CLIP4: variants seen among roughly 807,000 people sequenced by gnomAD.
CLIP4 encodes CAP-Gly domain-containing linker protein 4.
Under a neutral mutation model 73.1 loss-of-function variants are expected in CLIP4, and 47 were observed. That is an observed-to-expected ratio of 0.64 (90% CI 0.51 to 0.82). The LOEUF is 0.82. Among genes scored for constraint, CLIP4 ranks in the 40% least tolerant of loss-of-function variants. The pLI, the probability that CLIP4 is intolerant of heterozygous loss-of-function variation, is 0.00. For missense variants in CLIP4, 874 were observed against 852.9 expected (o/e 1.02, Z -0.31); for synonymous variants, 306 against 295.4 (o/e 1.04, Z -0.37).
intron 8 of CLIP4, among the ~76,000 whole-genome samples, chr2:29,149,143 G>T (rs573748771): frequency 6.6e-6 from 1 of 152,298 alleles, no homozygotes; most frequent in South Asian, 2.1e-4. Flanking sequence ...GCAGCCATAG[G>T]CAGTGTGTAA....
chr2:29,143,824 T>A lies in CLIP4; in HGVS notation c.764T>A (p.Val255Glu). ...ATCAAGCAGATGCTTCTAGATGCGG[T>A]GCCTCTGTCATGTAACATCTCAAAG... ...KEIKQMLLDA[V>E]PLSCNISKAM... The change falls in exon 7 of 16, where the codon GTG (valine) becomes GAG (glutamate). Residue 255 changes from valine (V) to glutamate (E), a missense_variant. Val to Glu is a moderately radical substitution (Grantham distance 121). Transcript: ENST00000320081. 1 of 1,614,130 alleles carries A rather than the reference T, an allele frequency of 6.2e-7. No individual in the cohort carries two copies. Among genetic ancestry groups the A allele is most frequent in the Non-Finnish European group, 8.5e-7 (1 of 1,179,944 alleles).
At chr2:29,147,535 A>T (rs974780481) in intron 8 of CLIP4, among the ~76,000 whole-genome samples, 2 of 151,964 alleles carry the variant, frequency 1.3e-5, no homozygotes, top group Admixed American at 1.3e-4. Context: ...TATTTCTTTA[A>T]ATGTTTATAT....
intron 9 of CLIP4, among the ~76,000 whole-genome samples, chr2:29,154,602 G>T (rs1028946018): frequency 1.3e-5 from 2 of 152,144 alleles, no homozygotes; most frequent in African/African-American, 4.8e-5. Context: ...TCAGAATACC[G>T]GGAAGGGATG....
intron 1 of CLIP4, among the ~76,000 whole-genome samples, chr2:29,117,980 A>G (rs887214502): frequency 2.6e-5 from 4 of 152,240 alleles, no homozygotes; most frequent in Non-Finnish European, 5.9e-5. Context: ...AGTGTTCAGT[A>G]CTGTAAATAC....
At chr2:29,173,379 T>G (rs897127038) in intron 14 of CLIP4, among the ~76,000 whole-genome samples, 1 of 152,210 alleles carries the variant, frequency 6.6e-6, no homozygotes, top group Non-Finnish European at 1.5e-5. Context: ...CACCTTGCAC[T>G]GAGAGTGAGC....
rs148809051 is a variant in CLIP4, at chr2:29,135,608, A to G, written c.590A>G (p.Asn197Ser). ...FGTALHIAAY[N>S]LCAGAVKCLL... ...ACAGCTTTGCATATTGCAGCATACA[A>G]CTTGTGTGCAGGTGCTGTGAAGTGC... is the stretch of plus-strand genomic sequence containing the variant. Residue 197 changes from asparagine (N) to serine (S), a missense_variant, in exon 6 of 16, where the codon AAC (asparagine) becomes AGC (serine). Asn to Ser is a conservative substitution (Grantham distance 46). Coordinates refer to ENST00000320081, the MANE Select transcript of CLIP4 (RefSeq NM_024692.6). 3 of 1,611,358 alleles carry G rather than the reference A, an allele frequency of 1.9e-6. No individual in the cohort carries two copies. The highest frequency in any genetic ancestry group is 2.7e-5 in the African/African-American group (2 of 74,786).
intron 12 of CLIP4, among the ~76,000 whole-genome samples, chr2:29,160,764 A>G (rs1667235260): frequency 6.6e-6 from 1 of 152,156 alleles, no homozygotes. Context: ...ACAGGCAAAC[A>G]TTTTAGGATT....
At chr2:29,148,552 A>G (rs1021990923) in intron 8 of CLIP4, among the ~76,000 whole-genome samples, 1 of 152,228 alleles carries the variant, frequency 6.6e-6, no homozygotes, top group Admixed American at 6.5e-5. Flanking sequence ...GCTTATTACA[A>G]AACTGTCTCT....
intron 9 of CLIP4, 73 bp downstream of exon 9, chr2:29,152,901 T>G: frequency 6.6e-7 from 1 of 1,518,768 alleles, no homozygotes; most frequent in Non-Finnish European, 8.9e-7. Flanking sequence ...AATATTTAGA[T>G]TGCTTCACTT....
chr2:29,107,534 G>A (rs149067513), intron 1 of CLIP4, among the ~76,000 whole-genome samples: 1,750 of 150,232 alleles, frequency 0.012, 34 homozygotes, highest in African/African-American at 0.041. Context: ...ACCATGCCCG[G>A]CTAATTTTTT....
intron 2 of CLIP4, among the ~76,000 whole-genome samples, chr2:29,128,301 G>A (rs1477972195): frequency 6.6e-6 from 1 of 150,708 alleles, no homozygotes; most frequent in East Asian, 1.9e-4. Flanking sequence ...TTTTTGAGAC[G>A]TTTATAAAAA....
chr2:29,123,655 A>G (rs778869999), intron 2 of CLIP4, among the ~76,000 whole-genome samples: 6 of 152,152 alleles, frequency 3.9e-5, no homozygotes, highest in Non-Finnish European at 8.8e-5. Flanking sequence ...GAATTAATGG[A>G]AGGTCTTTGT....
Position 29,156,386 on chromosome 2 carries a change from G to A in CLIP4, c.1198G>A (p.Glu400Lys), listed in dbSNP as rs535905877. Residue 400 changes from glutamate to lysine, a missense_variant, in exon 10 of 16, where the codon GAG becomes AAG. Physicochemically the swap from Glu to Lys is moderately conservative, Grantham distance 56. Transcript: ENST00000320081. ...LMTSKKDSASESTLSLPPGEE... is the reference protein window; with the variant it reads ...LMTSKKDSASKSTLSLPPGEE... Reference sequence around the variant, plus strand: ...GACATCAAAAAAAGATAGTGCTTCTGAGTCAACACTTTCATTGCCTCCTGG... The same window carrying A: ...GACATCAAAAAAAGATAGTGCTTCTAAGTCAACACTTTCATTGCCTCCTGG... The A allele has an allele frequency of 6.3e-7, 1 of 1,588,344 alleles. No homozygotes were observed. The highest frequency in any genetic ancestry group is 2.3e-5 in the East Asian group (1 of 43,674).
At chr2:29,177,590 GTAATA>G (rs1235737397) in intron 15 of CLIP4, among the ~76,000 whole-genome samples, 1 of 151,400 alleles carries the variant, frequency 6.6e-6, no homozygotes, top group Non-Finnish European at 1.5e-5. Context: ...AAAAAAAAAA[GTAATA>G]TATATATTTT....
intron 9 of CLIP4, among the ~76,000 whole-genome samples, chr2:29,154,418 C>T (rs1337042444): frequency 6.6e-6 from 1 of 152,166 alleles, no homozygotes; most frequent in Non-Finnish European, 1.5e-5. Flanking sequence ...TGGGCAGGCA[C>T]CCGAAACCCC....
chr2:29,113,315 A>C (rs1668428793), upstream of CLIP4, among the ~76,000 whole-genome samples: 1 of 152,166 alleles, frequency 6.6e-6, no homozygotes, highest in Admixed American at 6.5e-5. The surrounding 1 kb of genome is among the most constrained non-coding windows in gnomAD (Gnocchi z 4.0). Flanking sequence ...CTCCAGATAG[A>C]ATTGAATCTC....
At chr2:29,151,090 A>G (rs933907397) in intron 8 of CLIP4, among the ~76,000 whole-genome samples, 3 of 152,066 alleles carry the variant, frequency 2.0e-5, no homozygotes, top group Non-Finnish European at 4.4e-5. Context: ...CAGATATACA[A>G]CCTTTTCCTC....
intron 6 of CLIP4, among the ~76,000 whole-genome samples, chr2:29,139,118 A>G (rs972671971): frequency 1.3e-5 from 2 of 151,932 alleles, no homozygotes; most frequent in African/African-American, 2.4e-5. Flanking sequence ...CCCGTTCAGT[A>G]TGATGTTGGC....
At chr2:29,155,182 C>T (rs1275648600) in intron 9 of CLIP4, among the ~76,000 whole-genome samples, 3 of 152,126 alleles carry the variant, frequency 2.0e-5, no homozygotes, top group Admixed American at 2.0e-4. Context: ...CCTGTAGTCC[C>T]AGCTACTCTA....
Sources: gnomAD v4.1 joint callset for allele counts (sites outside exome capture counted in the v4.1 genomes callset) on GRCh38, gnomAD v4.1.1 for gene constraint, Gnocchi (gnomAD v3.1) non-coding constraint, MANE v1.5 for transcripts, NCBI Gene and HGNC (gene_info 2026-07-23, HGNC 2026-07-21) for gene names.